The following LYPLAL1 variants were observed in gnomAD, a reference collection of about 807,000 sequenced individuals.
LYPLAL1 encodes the protein lysophospholipase-like protein 1.
Under a neutral mutation model 19.7 loss-of-function variants are expected in LYPLAL1, and 23 were observed. That is an observed-to-expected ratio of 1.17 (90% CI 0.84 to 1.65). The LOEUF is 1.65. Ranked by LOEUF, LYPLAL1 falls within the 40% of genes most tolerant of loss-of-function variation. LYPLAL1 has a pLI of 0.00. For synonymous variants in LYPLAL1, 119 were observed against 96.3 expected, an observed-to-expected ratio of 1.24 and a Z score of -1.38; for missense variants, 355 against 279.4, an observed-to-expected ratio of 1.27 and a Z score of -1.93.
At chr1:219,420,736 G>A in the LYPLAL1 span, among the ~76,000 whole-genome samples, 2 of 152,070 alleles carry the variant, frequency 1.3e-5, no homozygotes, top group Non-Finnish European at 2.9e-5. Flanking sequence ...CACATTTCAG[G>A]AGAAACAAAG....
chr1:219,187,214 T>C (rs1656800155), intron 2 of LYPLAL1, among the ~76,000 whole-genome samples: 1 of 151,752 alleles, frequency 6.6e-6, no homozygotes, highest in Non-Finnish European at 1.5e-5. Context: ...TTATTGTATA[T>C]ACTCAGTTGT....
the LYPLAL1 span, among the ~76,000 whole-genome samples, chr1:219,391,457 G>A: frequency 7.9e-5 from 12 of 152,112 alleles, no homozygotes; most frequent in Admixed American, 7.2e-4. Flanking sequence ...GAGGCTGTTT[G>A]ATTCTGAGAA....
the LYPLAL1 span, among the ~76,000 whole-genome samples, chr1:219,397,842 C>T: frequency 6.6e-6 from 1 of 152,200 alleles, no homozygotes; most frequent in African/African-American, 2.4e-5. Flanking sequence ...GAAATTCTGG[C>T]TCGTTTTTTC....
chr1:219,439,972 T>TATATATATATATATATAC, the LYPLAL1 span, among the ~76,000 whole-genome samples: 4 of 114,074 alleles, frequency 3.5e-5, no homozygotes, highest in African/African-American at 1.7e-4. Flanking sequence ...TATATATATA[T>TATATATATATATATATAC]ACATATATAT....
chr1:219,270,778 T>C, the LYPLAL1 span: 1 of 152,202 alleles, frequency 6.6e-6, no homozygotes, highest in Non-Finnish European at 1.5e-5. Context: ...GCTGCTTTTT[T>C]TGATGTTGTT....
At chr1:219,390,685 A>G in the LYPLAL1 span, among the ~76,000 whole-genome samples, 1 of 152,152 alleles carries the variant, frequency 6.6e-6, no homozygotes, top group Admixed American at 6.5e-5. Context: ...CCCCTTCCCA[A>G]TGAAGAGGGC....
chr1:219,220,449 G>T, the LYPLAL1 span, among the ~76,000 whole-genome samples: 1 of 151,602 alleles, frequency 6.6e-6, no homozygotes, highest in African/African-American at 2.4e-5. Context: ...TTTCCCTAGG[G>T]CTACCCATTA....
At chr1:219,258,244 A>G in the LYPLAL1 span, among the ~76,000 whole-genome samples, 31 of 152,078 alleles carry the variant, frequency 2.0e-4, no homozygotes, top group Admixed American at 1.8e-3. Context: ...TGTACAGTTA[A>G]TGCAATCATC....
At chr1:219,440,761 T>C in the LYPLAL1 span, among the ~76,000 whole-genome samples, 1 of 152,284 alleles carries the variant, frequency 6.6e-6, no homozygotes, top group African/African-American at 2.4e-5. Context: ...GTATGAGAAT[T>C]TTCTCTTTAT....
At chr1:219,208,797 A>G (rs1658774353) in intron 3 of LYPLAL1, among the ~76,000 whole-genome samples, 1 of 152,150 alleles carries the variant, frequency 6.6e-6, no homozygotes, top group South Asian at 2.1e-4. Context: ...AGAAAACTTC[A>G]TAAGCAGAGA....
At chr1:219,408,793 A>C in the LYPLAL1 span, among the ~76,000 whole-genome samples, 5 of 152,156 alleles carry the variant, frequency 3.3e-5, no homozygotes, top group South Asian at 1.0e-3. Context: ...GTGGTTGAGA[A>C]AAGGTCTAGT....
the LYPLAL1 span, among the ~76,000 whole-genome samples, chr1:219,393,648 G>T: frequency 6.6e-6 from 1 of 152,158 alleles, no homozygotes; most frequent in East Asian, 1.9e-4. Context: ...TGTTAATAAT[G>T]AGTAAACTGG....
chr1:219,281,049 AAAAT>A, the LYPLAL1 span, among the ~76,000 whole-genome samples: 4 of 152,210 alleles, frequency 2.6e-5, no homozygotes, highest in Non-Finnish European at 4.4e-5. Flanking sequence ...ACTGTCTCAA[AAAAT>A]AAATAAATAA....
the LYPLAL1 span, among the ~76,000 whole-genome samples, chr1:219,371,009 G>A: frequency 6.6e-6 from 1 of 152,198 alleles, no homozygotes; most frequent in African/African-American, 2.4e-5. Context: ...TGCATGAGTA[G>A]ATGACTTGAT....
chr1:219,351,272 C>T, the LYPLAL1 span, among the ~76,000 whole-genome samples: 14 of 152,012 alleles, frequency 9.2e-5, no homozygotes, highest in African/African-American at 3.1e-4. Context: ...TTGCAGATAT[C>T]CTGCTGTTAA....
At chr1:219,274,672 C>T in the LYPLAL1 span, among the ~76,000 whole-genome samples, 2 of 152,190 alleles carry the variant, frequency 1.3e-5, no homozygotes, top group Non-Finnish European at 2.9e-5. Context: ...GCATGAGCCA[C>T]CGCCCCCGGC....
chr1:219,175,066 T>G, intron 1 of LYPLAL1: 2 of 985,462 alleles, frequency 2.0e-6, no homozygotes, highest in African/African-American at 3.5e-5. Context: ...GGAAAGGTAC[T>G]GGGCAGAGAC....
chr1:219,302,764 G>T, the LYPLAL1 span, among the ~76,000 whole-genome samples: 2 of 152,122 alleles, frequency 1.3e-5, no homozygotes, highest in East Asian at 1.9e-4. Flanking sequence ...ATCTTTGTCT[G>T]GGATGCCCAC....
At chr1:219,441,510 A>G in the LYPLAL1 span, among the ~76,000 whole-genome samples, 1 of 152,178 alleles carries the variant, frequency 6.6e-6, no homozygotes, top group Non-Finnish European at 1.5e-5. Context: ...TTATTATGCT[A>G]TTCTCTATAT....
Sources: allele counts gnomAD v4.1 joint callset (sites outside exome capture counted in the v4.1 genomes callset), GRCh38; gene constraint gnomAD v4.1.1; transcripts MANE v1.5; gene names NCBI Gene and HGNC (gene_info 2026-07-23, HGNC 2026-07-21).